Variants in C18orf63 observed in about 807,000 individuals in gnomAD.
C18orf63 encodes uncharacterized protein C18orf63.
Under a neutral mutation model 75.3 loss-of-function variants are expected in C18orf63, and 50 were observed. The observed-to-expected ratio is 0.66, with a 90% CI of 0.53 to 0.84. The LOEUF is 0.84. C18orf63 is among the 40% of genes least tolerant of loss of function. The pLI, the probability that C18orf63 is intolerant of heterozygous loss-of-function variation, is 0.00. For missense variants in C18orf63, 732 were observed against 800.2 expected, an observed-to-expected ratio of 0.91 and a Z score of 1.03; for synonymous variants, 232 against 267.6, an observed-to-expected ratio of 0.87 and a Z score of 1.30.
Position 74,357,362 on chromosome 18 carries a change from G to A in C18orf63, c.*915G>A, listed in dbSNP as rs1984785016. On this transcript the variant is annotated 3_prime_UTR_variant, in exon 14 of 14. Transcript: ENST00000579455. ...GGGATATGTATGTATTGAAGCATAT[G>A]TCCAGAATGACCTTCTAGTCCATAT... 1 of 152,130 alleles carries A rather than the reference G, an allele frequency of 6.6e-6. No homozygotes were observed. The highest frequency in any genetic ancestry group is 2.4e-5 in the African/African-American group (1 of 41,446). 9.4% of individuals were successfully genotyped at this position (152,130 alleles called of 1,614,324 possible).
rs762729212 is a variant in C18orf63, at chr18:74,358,911, T to C, written c.*2464T>C. The stretch of plus-strand genomic sequence containing the variant: ...ATTTTTATTTGCATTTGTTGCTTAT[T>C]GTAGTAAAAAGGTAAAAAAAAAATG... On this transcript the variant is annotated 3_prime_UTR_variant, in exon 14 of 14. Coordinates refer to ENST00000579455, the MANE Select transcript of C18orf63 (RefSeq NM_001174123.2). 5.6e-5 allele frequency: 7 copies of C among 124,500 alleles called. No individual in the cohort carries two copies. Among genetic ancestry groups the C allele is most frequent in the Non-Finnish European group, 1.1e-4 (6 of 54,822 alleles). The allele number at this position is 124,500 out of a possible 1,614,324, so 7.7% of individuals were successfully genotyped here. A position where few individuals can be genotyped will look rare whatever the true frequency, so the allele number is the denominator to read the frequency against.
At chr18:74,338,225 G>T (rs1232127763) in intron 7 of C18orf63, among the ~76,000 whole-genome samples, 4 of 152,054 alleles carry the variant, frequency 2.6e-5, no homozygotes, top group Non-Finnish European at 4.4e-5. Flanking sequence ...TGAGGAACAG[G>T]GAAGAAAGTG....
In C18orf63 at chr18:74,323,207, T is replaced by G. The variant is rs1330086643; in HGVS notation, c.270+453T>G. ...GACCTCTCTGTGTCTCAGTAAGTCATGAAGCCTTGACTAGAGCTCCTTTCA... is the reference window on the plus strand; with the variant it reads ...GACCTCTCTGTGTCTCAGTAAGTCAGGAAGCCTTGACTAGAGCTCCTTTCA... On this transcript the variant is annotated intron_variant, in intron 4 of 13. Coordinates refer to ENST00000579455, the MANE Select transcript of C18orf63 (RefSeq NM_001174123.2). 1.3e-5 allele frequency among the ~76,000 whole-genome samples: 2 copies of G among 152,238 alleles called. 1 individual carries two copies. Among genetic ancestry groups the G allele is most frequent in the Non-Finnish European group, 2.9e-5 (2 of 68,030 alleles).
At chr18:74,342,750 G>A (rs560368667) in intron 10 of C18orf63, among the ~76,000 whole-genome samples, 1 of 152,210 alleles carries the variant, frequency 6.6e-6, no homozygotes, top group African/African-American at 2.4e-5. Flanking sequence ...AATTTTCGAT[G>A]ATTTGACTTA....
At position 74,346,853 on chromosome 18, in the gene C18orf63, T is replaced by C. The variant is rs540757840; in HGVS notation, c.978+3151T>C. ...GCTTTCTGCATGCCAGCTGCTTTTA[T>C]GTGTATTATTTCATTTAATAATCAA... On this transcript the variant is annotated intron_variant, in intron 11 of 13. Coordinates refer to ENST00000579455, the MANE Select transcript of C18orf63 (RefSeq NM_001174123.2). Among the ~76,000 whole-genome samples the C allele has an allele frequency of 2.6e-5, 4 of 152,350 alleles. 1 individual carries two copies. The highest frequency in any genetic ancestry group is 2.0e-4 in the Admixed American group (3 of 15,310).
intron 13 of C18orf63, 115 bp downstream of exon 13, chr18:74,354,661 G>A (rs184222617): frequency 6.3e-5 from 37 of 586,006 alleles, no homozygotes; most frequent in African/African-American, 2.8e-4. Flanking sequence ...CTTTGAAACC[G>A]TAAAATCAGC....
At chr18:74,322,941 CT>C (rs1023732682) in intron 4 of C18orf63, among the ~76,000 whole-genome samples, 187 bp downstream of exon 4, 12 of 152,028 alleles carry the variant, frequency 7.9e-5, no homozygotes, top group African/African-American at 2.9e-4. Flanking sequence ...GGAGAAGAGG[CT>C]TTTTTGTTGG....
At chr18:74,339,686 A>G (rs1307419777) in intron 8 of C18orf63, among the ~76,000 whole-genome samples, 1 of 152,190 alleles carries the variant, frequency 6.6e-6, no homozygotes, top group Non-Finnish European at 1.5e-5. Context: ...CCAACTTGTA[A>G]AGGAAGAAGT....
In C18orf63 at chr18:74,358,404, G is replaced by A. The variant is rs1984807179; in HGVS notation, c.*1957G>A. The stretch of plus-strand genomic sequence containing the variant: ...GAGATTTAATATAGATAGGTATATA[G>A]ATTGTTGATTTCATATTTCATGTTC... On this transcript the variant is annotated 3_prime_UTR_variant, in exon 14 of 14. Transcript: ENST00000579455. 6.6e-6 allele frequency: 1 copy of A among 152,088 alleles called. No homozygotes were observed. The highest frequency in any genetic ancestry group is 1.5e-5 in the Non-Finnish European group (1 of 68,020). 9.4% of individuals were successfully genotyped at this position (152,088 alleles called of 1,614,324 possible).
intron 5 of C18orf63, 95 bp from the exon 6 acceptor site, chr18:74,328,900 T>C: frequency 1.5e-6 from 1 of 682,686 alleles, no homozygotes; most frequent in Non-Finnish European, 2.5e-6. Flanking sequence ...GTATTTTCTT[T>C]AGCTTTGATA....
chr18:74,338,872 T>C (rs780698877), intron 8 of C18orf63, 48 bp downstream of exon 8: 11 of 731,878 alleles, frequency 1.5e-5, no homozygotes, highest in Non-Finnish European at 2.2e-5. Context: ...AATATGGTGG[T>C]TTCCCTTATT....
At chr18:74,356,332 C>T (rs1202421038) in intron 13 of C18orf63, 149 bp from the exon 14 acceptor site, 2 of 152,130 alleles carry the variant, frequency 1.3e-5, no homozygotes, top group East Asian at 1.9e-4. Flanking sequence ...TCTATGTCCA[C>T]GTGTATATAT....
At chr18:74,342,210 A>G (rs1177797223) in intron 9 of C18orf63, 31 bp from the exon 10 acceptor site, 6 of 1,468,108 alleles carry the variant, frequency 4.1e-6, no homozygotes. Flanking sequence ...GCTTTCTCCA[A>G]GATATTTAAA....
chr18:74,341,489 G>A (rs898878835), intron 8 of C18orf63, among the ~76,000 whole-genome samples: 38 of 152,072 alleles, frequency 2.5e-4, no homozygotes, highest in Non-Finnish European at 4.7e-4. Flanking sequence ...AGACCAGCCT[G>A]GCCAACATGG....
Position 74,330,947 on chromosome 18 carries a change from C to T in C18orf63, c.501+5C>T. The T allele has an allele frequency of 7.4e-7, 1 of 1,346,418 alleles. No homozygotes were observed. Among genetic ancestry groups the T allele is most frequent in the Non-Finnish European group, 9.9e-7 (1 of 1,009,170 alleles). 83.4% of individuals were successfully genotyped at this position (1,346,418 alleles called of 1,614,324 possible). On this transcript the variant is annotated splice_donor_5th_base_variant and intron_variant, in intron 7 of 13. Coordinates refer to ENST00000579455, the MANE Select transcript of C18orf63 (RefSeq NM_001174123.2). ...ATCAGACTGCCAGCACCTGAGGTAC[C>T]ATATATTGTGATTTCTATACTTTAT...
intron 11 of C18orf63, among the ~76,000 whole-genome samples, chr18:74,346,454 A>C (rs987877418): frequency 1.3e-5 from 2 of 152,220 alleles, no homozygotes; most frequent in African/African-American, 4.8e-5. Context: ...AAAATTGTAC[A>C]AAAACCTGAC....
intron 8 of C18orf63, among the ~76,000 whole-genome samples, chr18:74,341,629 A>G (rs1314603856): frequency 6.6e-6 from 1 of 151,260 alleles, no homozygotes; most frequent in East Asian, 2.0e-4. Flanking sequence ...AGAGGTTGCC[A>G]TGAGCTGAGA....
chr18:74,355,451 CA>C, intron 13 of C18orf63, among the ~76,000 whole-genome samples: 1 of 151,674 alleles, frequency 6.6e-6, no homozygotes, highest in East Asian at 1.9e-4. Context: ...AGCACTTTCC[CA>C]CTTTGAACTA....
At chr18:74,348,293 A>T (rs1168532891) in intron 11 of C18orf63, among the ~76,000 whole-genome samples, 1 of 152,160 alleles carries the variant, frequency 6.6e-6, no homozygotes, top group Non-Finnish European at 1.5e-5. Context: ...TTGTTGTGTC[A>T]TGTCACTTAA....
Sources: allele counts gnomAD v4.1 joint callset (sites outside exome capture counted in the v4.1 genomes callset), GRCh38; gene constraint gnomAD v4.1.1; transcripts MANE v1.5; gene names NCBI Gene and HGNC (gene_info 2026-07-23, HGNC 2026-07-21).